GNA14: variants seen among roughly 807,000 people sequenced by gnomAD.
GNA14 encodes the protein guanine nucleotide-binding protein subunit alpha-14.
Under a neutral mutation model 42.0 loss-of-function variants are expected in GNA14, and 50 were observed. The ratio of observed to expected loss-of-function variants is 1.19; its 90% CI spans 0.95 to 1.51. The LOEUF is 1.51. Ranked by LOEUF, GNA14 falls within the 40% of genes most tolerant of loss-of-function variation. The pLI is 0.00. For synonymous variants in GNA14, 173 were observed against 163.1 expected, an observed-to-expected ratio of 1.06 and a Z score of -0.46; for missense variants, 473 against 446.2, an observed-to-expected ratio of 1.06 and a Z score of -0.54.
chr9:77,470,389 C>T (rs1836310186), intron 2 of GNA14, among the ~76,000 whole-genome samples: 1 of 152,166 alleles, frequency 6.6e-6, no homozygotes, highest in Non-Finnish European at 1.5e-5. Flanking sequence ...TATAACAGCA[C>T]AGGTGAGAAA....
intron 1 of GNA14, among the ~76,000 whole-genome samples, chr9:77,600,683 C>T (rs1186619708): frequency 2.0e-5 from 3 of 152,204 alleles, no homozygotes; most frequent in African/African-American, 4.8e-5. Context: ...TTTGGGAGGC[C>T]GATGTGGTTG....
At chr9:77,598,212 T>C (rs1823498162) in intron 1 of GNA14, among the ~76,000 whole-genome samples, 1 of 152,190 alleles carries the variant, frequency 6.6e-6, no homozygotes, top group Admixed American at 6.5e-5. Context: ...AGGGGTTCTA[T>C]CACCCAAAAA....
intron 2 of GNA14, among the ~76,000 whole-genome samples, chr9:77,444,756 C>A (rs1292136236): frequency 1.3e-5 from 2 of 152,200 alleles, no homozygotes; most frequent in Non-Finnish European, 2.9e-5. Flanking sequence ...ACAAGAGCTT[C>A]CATTACAGTC....
At chr9:77,535,655 G>A (rs888599083) in intron 1 of GNA14, among the ~76,000 whole-genome samples, 1 of 152,188 alleles carries the variant, frequency 6.6e-6, no homozygotes, top group Non-Finnish European at 1.5e-5. Flanking sequence ...AGCATCCAAT[G>A]AGGGAGACGA....
At chr9:77,591,109 G>A (rs1343148376) in intron 1 of GNA14, among the ~76,000 whole-genome samples, 1 of 152,172 alleles carries the variant, frequency 6.6e-6, no homozygotes, top group East Asian at 1.9e-4. Context: ...CAGGAAGGCA[G>A]ACAGTGCACT....
chr9:77,492,163 C>G (rs1217760786), intron 2 of GNA14, among the ~76,000 whole-genome samples: 1 of 151,952 alleles, frequency 6.6e-6, no homozygotes, highest in East Asian at 1.9e-4. Context: ...AAAAGCAGTA[C>G]TAAGAAGCAC....
intron 1 of GNA14, among the ~76,000 whole-genome samples, chr9:77,608,830 A>G (rs1403155569): frequency 7.0e-6 from 1 of 143,034 alleles, no homozygotes; most frequent in Non-Finnish European, 1.5e-5. Flanking sequence ...TCTTTCAGTC[A>G]CTCCTGTTTA....
At chr9:77,502,711 T>C (rs1343953570) in intron 2 of GNA14, among the ~76,000 whole-genome samples, 4 of 152,044 alleles carry the variant, frequency 2.6e-5, no homozygotes, top group Non-Finnish European at 5.9e-5. Flanking sequence ...GGAATGTGAG[T>C]CTCAGCTTTC....
At position 77,647,760 on chromosome 9, in the gene GNA14, T is replaced by C. The variant is rs150308184; in HGVS notation, c.34A>G (p.Lys12Glu). Residue 12 changes from lysine to glutamate, a missense_variant, in exon 1 of 7, where the codon AAG becomes GAG. By Grantham distance (56) the Lys-to-Glu change is moderately conservative (BLOSUM62 1). Coordinates refer to ENST00000341700, the MANE Select transcript of GNA14 (RefSeq NM_004297.4). ...AGCCCLSAEEKESQRISAEIE... is the reference protein window; with the variant it reads ...AGCCCLSAEEEESQRISAEIE... The stretch of plus-strand genomic sequence containing the variant: ...TCCGCGCTGATGCGCTGCGACTCCT[T>C]CTCCTCCGCGGACAGGCAGCAGCAG... 94 of 1,610,182 alleles carry C rather than the reference T, an allele frequency of 5.8e-5. No homozygotes were observed. The highest frequency in any genetic ancestry group is 3.7e-4 in the African/African-American group (28 of 74,852).
intron 1 of GNA14, among the ~76,000 whole-genome samples, chr9:77,568,038 G>C (rs1290970395): frequency 6.6e-6 from 1 of 152,186 alleles, no homozygotes; most frequent in African/African-American, 2.4e-5. Context: ...AGACTAGAAA[G>C]AAAGAGGTGG....
chr9:77,513,955 C>CTT (rs35341734), intron 2 of GNA14, among the ~76,000 whole-genome samples: 11 of 148,018 alleles, frequency 7.4e-5, no homozygotes, highest in Admixed American at 4.0e-4. Context: ...CCCTTCAGCA[C>CTT]TTTTTTTTTT....
intron 1 of GNA14, among the ~76,000 whole-genome samples, chr9:77,577,859 T>C (rs1446290640): frequency 6.6e-6 from 1 of 152,032 alleles, no homozygotes; most frequent in African/African-American, 2.4e-5. Flanking sequence ...TCATAAATAC[T>C]CCTATCTCAC....
chr9:77,574,042 CA>C (rs1288864981), intron 1 of GNA14, among the ~76,000 whole-genome samples: 36 of 152,278 alleles, frequency 2.4e-4, no homozygotes, highest in African/African-American at 8.4e-4. Flanking sequence ...TCATGCCATG[CA>C]TCTGTAATTC....
intron 2 of GNA14, among the ~76,000 whole-genome samples, chr9:77,492,578 T>A (rs980133635): frequency 2.6e-5 from 4 of 152,056 alleles, no homozygotes; most frequent in Non-Finnish European, 4.4e-5. Flanking sequence ...AAGGATACAT[T>A]CCTGGACACA....
intron 2 of GNA14, among the ~76,000 whole-genome samples, chr9:77,437,173 C>G (rs796145312): frequency 2.0e-5 from 3 of 152,350 alleles, no homozygotes; most frequent in African/African-American, 7.2e-5. Context: ...ATTTCTATCT[C>G]TCCTTCTCAC....
At chr9:77,442,353 C>T (rs2131697711) in intron 2 of GNA14, among the ~76,000 whole-genome samples, 1 of 152,288 alleles carries the variant, frequency 6.6e-6, no homozygotes, top group Admixed American at 6.5e-5. Flanking sequence ...GCCTGGGCAA[C>T]AGAGTGAGAC....
chr9:77,480,288 T>A (rs1213547254), intron 2 of GNA14, among the ~76,000 whole-genome samples: 10 of 152,232 alleles, frequency 6.6e-5, no homozygotes, highest in African/African-American at 2.4e-4. Flanking sequence ...CTAAGGCCTT[T>A]TCTGCATCTA....
At chr9:77,454,459 C>A (rs1252561791) in intron 2 of GNA14, among the ~76,000 whole-genome samples, 2 of 152,182 alleles carry the variant, frequency 1.3e-5, no homozygotes, top group Non-Finnish European at 2.9e-5. Flanking sequence ...TGGCTAAGTG[C>A]CAGGCCACTC....
At chr9:77,426,252 T>C (rs1835451769) in intron 5 of GNA14, among the ~76,000 whole-genome samples, 1 of 151,616 alleles carries the variant, frequency 6.6e-6, no homozygotes. Flanking sequence ...TGCCACACTT[T>C]ACAAGCAGAG....
Sources: gnomAD v4.1 joint callset for allele counts (sites outside exome capture counted in the v4.1 genomes callset) on GRCh38, gnomAD v4.1.1 for gene constraint, MANE v1.5 for transcripts, NCBI Gene and HGNC (gene_info 2026-07-23, HGNC 2026-07-21) for gene names.